COL18A1: variants seen among roughly 807,000 people sequenced by gnomAD.
COL18A1 encodes collagen alpha-1(XVIII) chain.
In COL18A1, 133 loss-of-function variants were observed where a neutral mutation model predicts 168.0. That is an observed-to-expected ratio of 0.79 (90% confidence interval 0.69 to 0.91). The LOEUF (loss-of-function observed/expected upper bound fraction) is 0.91. Among genes scored for constraint, COL18A1 ranks in the 40% least tolerant of loss-of-function variants. The pLI is 0.00. For synonymous variants in COL18A1, 949 were observed against 809.0 expected, an observed-to-expected ratio of 1.17 and a Z score of -2.94; for missense variants, 2,126 against 1,925.4, an observed-to-expected ratio of 1.10 and a Z score of -1.95.
At chr21:45,511,875 G>A (rs944348288) in intron 41 of COL18A1, among the ~76,000 whole-genome samples, 6 of 152,200 alleles carry the variant, frequency 3.9e-5, no homozygotes, top group Admixed American at 1.3e-4. Flanking sequence ...GGTTCCTAGC[G>A]AGGCAGCCAC....
At chr21:45,491,005 T>G in intron 21 of COL18A1, 134 bp downstream of exon 21, 1 of 947,234 alleles carries the variant, frequency 1.1e-6, no homozygotes, top group Non-Finnish European at 1.6e-6. Flanking sequence ...ACCCTCAAGT[T>G]GACAGGGGTG....
intron 32 of COL18A1, among the ~76,000 whole-genome samples, chr21:45,500,002 G>A (rs1218443532): frequency 2.0e-5 from 3 of 152,162 alleles, no homozygotes; most frequent in Non-Finnish European, 4.4e-5. Flanking sequence ...TAAACCATGT[G>A]CCGCTTACAA....
chr21:45,487,153 G>A (rs958121290), intron 16 of COL18A1, among the ~76,000 whole-genome samples, 161 bp downstream of exon 16: 2 of 152,218 alleles, frequency 1.3e-5, no homozygotes, highest in African/African-American at 4.8e-5. Flanking sequence ...TGGGGCTCGA[G>A]TCTCTCGCCC....
intron 29 of COL18A1, 42 bp downstream of exon 29, chr21:45,495,474 A>G (rs765328370): frequency 5.2e-6 from 8 of 1,536,458 alleles, no homozygotes; most frequent in South Asian, 2.3e-5. Flanking sequence ...CTGGGAGACC[A>G]GGACCTGGGA....
rs1555870809 is a variant in COL18A1 at position 45,494,560 on chromosome 21, C to T, written c.2368C>T (p.Arg790Ter). ...QKGAKGEPGFRGPPGPYGRPG... is the reference protein window; with the variant it reads ...QKGAKGEPGF The stretch of plus-strand genomic sequence containing the variant: ...TTTTGCTCAGGGAGAGCCGGGCTTC[C>T]GAGGACCCCCGGTAAGTCGGTCCCT... Residue 790 changes from arginine to a stop codon, truncating the protein, a stop_gained, in exon 27 of 42, where the codon CGA (arginine) becomes TGA (stop). Coordinates refer to ENST00000651438, the MANE Select transcript of COL18A1 (RefSeq NM_001379500.1). LOFTEE classifies it high-confidence loss of function. The T allele has an allele frequency of 4.3e-6, 7 of 1,613,264 alleles. No individual in the cohort carries two copies. Among genetic ancestry groups the T allele is most frequent in the Non-Finnish European group, 5.9e-6 (7 of 1,179,986 alleles).
At chr21:45,455,682 C>T in intron 2 of COL18A1, 1 of 1,613,872 alleles carries the variant, frequency 6.2e-7, no homozygotes, top group Non-Finnish European at 8.5e-7. Flanking sequence ...CCCCAGGGGC[C>T]CCTGCCTGTG....
intron 26 of COL18A1, 100 bp downstream of exon 26, chr21:45,493,675 G>A (rs1602548659): frequency 2.2e-5 from 19 of 883,518 alleles, no homozygotes; most frequent in South Asian, 9.1e-5. Context: ...CCTGATGCAC[G>A]AGCCTCTCCC....
chr21:45,481,938 C>T lies in COL18A1; in HGVS notation c.1612-25C>T, dbSNP rs759438187. On this transcript the variant is annotated intron_variant, in intron 13 of 41. Transcript: ENST00000651438. Reference sequence around the variant, plus strand: ...TTTTAGTGGCCGAATGCCATCAAGACCCACTATGCTCTGCTCTCCCCCAGG... The same window carrying T: ...TTTTAGTGGCCGAATGCCATCAAGATCCACTATGCTCTGCTCTCCCCCAGG... The T allele has an allele frequency of 3.2e-6, 5 of 1,570,638 alleles. No individual in the cohort carries two copies. The South Asian group carries it at 5.5e-5, about 17-fold the overall frequency.
rs1283996284 is a variant in COL18A1 at position 45,415,535 on chromosome 21, G to A, written c.106+10062G>A. ...GGGCGGCGGAGCGGGGCTGTGAATG[G>A]AGCCCCCCTTCCGGAAGATGGATGC... On this transcript the variant is annotated intron_variant, in intron 2 of 41. Coordinates refer to ENST00000651438, the MANE Select transcript of COL18A1 (RefSeq NM_001379500.1). Among the ~76,000 whole-genome samples the A allele has an allele frequency of 1.3e-5, 2 of 152,208 alleles. 1 individual carries two copies. Among genetic ancestry groups the A allele is most frequent in the East Asian group, 3.9e-4 (2 of 5,186 alleles).
intron 2 of COL18A1, among the ~76,000 whole-genome samples, chr21:45,468,007 G>A (rs1297139637): frequency 6.6e-6 from 1 of 152,220 alleles, no homozygotes; most frequent in African/African-American, 2.4e-5. Context: ...CAGACACCAT[G>A]TCCCCTGCAC....
At chr21:45,482,754 G>A (rs2035944989) in intron 14 of COL18A1, 41 bp from the exon 15 acceptor site, 1 of 1,614,216 alleles carries the variant, frequency 6.2e-7, no homozygotes, top group African/African-American at 1.3e-5. Flanking sequence ...CCACTGTGCT[G>A]CAAGTCTGAT....
chr21:45,510,983 CACCCCACACACACAACACA>C lies in COL18A1; in HGVS notation c.3694-127_3694-109del. 2.5e-4 allele frequency: 6 copies of C among 24,372 alleles called. 1 individual carries two copies. Among genetic ancestry groups the C allele is most frequent in the South Asian group, 8.7e-4 (2 of 2,308 alleles). 1.5% of individuals were successfully genotyped at this position (24,372 alleles called of 1,614,324 possible). A position where few individuals can be genotyped will look rare whatever the true frequency, so the allele number is the denominator to read the frequency against. ...CACATACACCCCCAAACACCCCCCA[CACCCCACACACACAACACA>C]CCCCCCCCCCACACATCCACACCCC... On this transcript the variant is annotated intron_variant, in intron 40 of 41. Coordinates refer to ENST00000651438, the MANE Select transcript of COL18A1 (RefSeq NM_001379500.1).
chr21:45,494,042 C>T (rs1038298972), intron 26 of COL18A1: 1 of 258,120 alleles, frequency 3.9e-6, no homozygotes, highest in Admixed American at 5.0e-5. Context: ...GAAAAGCCCT[C>T]GGGGAGGGTC....
chr21:45,492,694 C>G lies in COL18A1; in HGVS notation c.2195C>G (p.Pro732Arg). 1 of 1,610,488 alleles carries G rather than the reference C, an allele frequency of 6.2e-7. No homozygotes were observed. The highest frequency in any genetic ancestry group is 2.2e-5 in the East Asian group (1 of 44,856). Residue 732 changes from proline (P) to arginine (R), a missense_variant, in exon 24 of 42, where the codon CCG becomes CGG. Physicochemically the swap from Pro to Arg is moderately radical, Grantham distance 103. Coordinates refer to ENST00000651438, the MANE Select transcript of COL18A1 (RefSeq NM_001379500.1). ...CCGTCCCTCTTTCCCCAGGGCCGGCCGGGTTTCGCAGGCTTTCCCGTGAGT... is the reference window on the plus strand; with the variant it reads ...CCGTCCCTCTTTCCCCAGGGCCGGCGGGGTTTCGCAGGCTTTCCCGTGAGT... ...VLSVPGPEGR[P>R]GFAGFPGPAG...
At chr21:45,433,570 G>A (rs992652654) in intron 2 of COL18A1, among the ~76,000 whole-genome samples, 4 of 152,212 alleles carry the variant, frequency 2.6e-5, no homozygotes, top group South Asian at 2.1e-4. Flanking sequence ...CGTGGCTGTC[G>A]TGGCCCCTGT....
Position 45,496,585 on chromosome 21 carries a change from C to T in COL18A1, c.2577+17C>T. On this transcript the variant is annotated intron_variant, in intron 30 of 41. Coordinates refer to ENST00000651438, the MANE Select transcript of COL18A1 (RefSeq NM_001379500.1). ...GACAGCAATGTAAGTCCCCAGGGCA[C>T]CCACTGTCCTACAGCCACCCTTGGC... is the stretch of plus-strand genomic sequence containing the variant. The T allele has an allele frequency of 1.6e-6, 2 of 1,263,772 alleles. No homozygotes were observed. Among genetic ancestry groups the T allele is most frequent in the Non-Finnish European group, 2.3e-6 (2 of 874,368 alleles). The allele number at this position is 1,263,772 out of a possible 1,614,324, so 78.3% of individuals were successfully genotyped here.
chr21:45,472,220 T>G (rs2035458615), intron 3 of COL18A1, among the ~76,000 whole-genome samples: 1 of 150,444 alleles, frequency 6.6e-6, no homozygotes, highest in South Asian at 2.1e-4. Flanking sequence ...GAAGCGCAGT[T>G]TTTTTTTTTT....
chr21:45,479,190 G>T (rs1353191040), intron 9 of COL18A1, among the ~76,000 whole-genome samples: 1 of 152,028 alleles, frequency 6.6e-6, no homozygotes, highest in Non-Finnish European at 1.5e-5. Context: ...GTGTGTGGGG[G>T]GGTGAGGATC....
chr21:45,484,663 T>C (rs1235698130), intron 15 of COL18A1, among the ~76,000 whole-genome samples: 4 of 151,490 alleles, frequency 2.6e-5, no homozygotes, highest in Admixed American at 1.3e-4. Context: ...TATGTGCACA[T>C]ACACACACAT....
Sources: gnomAD v4.1 joint callset for allele counts (sites outside exome capture counted in the v4.1 genomes callset) on GRCh38, gnomAD v4.1.1 for gene constraint, MANE v1.5 for transcripts, NCBI Gene and HGNC (gene_info 2026-07-23, HGNC 2026-07-21) for gene names.